TENM4: variants seen among roughly 807,000 people sequenced by gnomAD.
TENM4 encodes the protein teneurin transmembrane protein 4, also known as teneurin-4.
A neutral mutation model predicts 243.3 loss-of-function variants in TENM4; 82 were observed. The ratio of observed to expected loss-of-function variants is 0.34; its 90% CI spans 0.28 to 0.40. The LOEUF (loss-of-function observed/expected upper bound fraction) is 0.40, where lower values mean the gene tolerates loss of function less well. Ranked by LOEUF, TENM4 falls within the 10% of genes least tolerant of loss-of-function variation. TENM4 has a pLI of 1.00. For synonymous variants in TENM4, 1,412 were observed against 1,456.3 expected (o/e 0.97, Z 0.69); for missense variants, 3,138 against 3,673.3 (o/e 0.85, Z 3.77).
intron 10 of TENM4, among the ~76,000 whole-genome samples, chr11:78,862,303 G>A (rs1012237718): frequency 4.0e-5 from 6 of 151,878 alleles, no homozygotes; most frequent in African/African-American, 7.3e-5. Flanking sequence ...GCAATCCTTT[G>A]CACCAATTCT....
At chr11:79,347,738 A>G (rs1857348961) in intron 1 of TENM4, among the ~76,000 whole-genome samples, 1 of 134,770 alleles carries the variant, frequency 7.4e-6, no homozygotes, top group Non-Finnish European at 1.6e-5. Flanking sequence ...TATAAATCAG[A>G]TGTTTAATTA....
chr11:79,179,278 G>T (rs1477818243), intron 3 of TENM4, among the ~76,000 whole-genome samples: 1 of 152,218 alleles, frequency 6.6e-6, no homozygotes, highest in Non-Finnish European at 1.5e-5. Context: ...TAGGTCAGAA[G>T]TCTGCAAACT....
chr11:79,353,756 GA>G (rs10643530), intron 1 of TENM4, among the ~76,000 whole-genome samples: 154 of 142,844 alleles, frequency 1.1e-3, no homozygotes, highest in Admixed American at 1.5e-3. Context: ...GAAAAAGGAG[GA>G]AAAAAAAAAA....
intron 4 of TENM4, among the ~76,000 whole-genome samples, chr11:79,146,986 C>T (rs767659052): frequency 2.0e-5 from 3 of 152,080 alleles, no homozygotes; most frequent in African/African-American, 4.8e-5. Context: ...CAAACACACA[C>T]GTGTGCATGC....
At chr11:78,967,562 C>T (rs1471298849) in intron 6 of TENM4, among the ~76,000 whole-genome samples, 1 of 152,174 alleles carries the variant, frequency 6.6e-6, no homozygotes, top group African/African-American at 2.4e-5. Context: ...TTCTAATTGG[C>T]TCAGCTCGGG....
chr11:79,293,324 T>C (rs1856387979), intron 2 of TENM4, among the ~76,000 whole-genome samples: 1 of 151,846 alleles, frequency 6.6e-6, no homozygotes, highest in African/African-American at 2.4e-5. Flanking sequence ...CTTGGCAACA[T>C]AGTGAAACCC....
At chr11:79,140,193 G>C (rs1394905470) in intron 4 of TENM4, among the ~76,000 whole-genome samples, 1 of 151,990 alleles carries the variant, frequency 6.6e-6, no homozygotes, top group African/African-American at 2.4e-5. Flanking sequence ...TTTAGACCAG[G>C]TTCCCACCTG....
chr11:78,756,777 T>C (rs984282280), intron 19 of TENM4, 28 bp downstream of exon 19: 3 of 1,595,794 alleles, frequency 1.9e-6, no homozygotes, highest in Admixed American at 3.4e-5. Context: ...CAGAGAGCCC[T>C]GGCTGGAGCT....
chr11:79,322,082 C>A (rs1465504666), intron 1 of TENM4, among the ~76,000 whole-genome samples: 1 of 152,210 alleles, frequency 6.6e-6, no homozygotes, highest in Non-Finnish European at 1.5e-5. Flanking sequence ...AACTTCCCTG[C>A]ACCACCTCCT....
At chr11:79,187,819 G>T (rs1342357505) in intron 3 of TENM4, among the ~76,000 whole-genome samples, 1 of 152,196 alleles carries the variant, frequency 6.6e-6, no homozygotes, top group Non-Finnish European at 1.5e-5. Flanking sequence ...TGGGAAGACA[G>T]CCATTTGCAA....
chr11:78,794,098 C>A (rs1453205305), intron 15 of TENM4, among the ~76,000 whole-genome samples: 1 of 152,238 alleles, frequency 6.6e-6, no homozygotes, highest in East Asian at 1.9e-4. Flanking sequence ...ATCTGTCCAT[C>A]CACCCAAATG....
chr11:79,171,544 T>G (rs979721779), intron 3 of TENM4, among the ~76,000 whole-genome samples: 1 of 152,210 alleles, frequency 6.6e-6, no homozygotes, highest in African/African-American at 2.4e-5. Context: ...CCCCATAGAC[T>G]GATTAAATAT....
At chr11:79,292,494 C>T (rs1239803297) in intron 2 of TENM4, among the ~76,000 whole-genome samples, 1 of 152,228 alleles carries the variant, frequency 6.6e-6, no homozygotes, top group Non-Finnish European at 1.5e-5. Flanking sequence ...GTCTTTCATA[C>T]ATAACTACAG....
chr11:79,106,309 T>G (rs1231061920), intron 4 of TENM4, among the ~76,000 whole-genome samples: 1 of 152,202 alleles, frequency 6.6e-6, no homozygotes, highest in East Asian at 1.9e-4. Context: ...GGATCACACC[T>G]TTGCAGAATA....
intron 16 of TENM4, among the ~76,000 whole-genome samples, chr11:78,782,137 A>G (rs957442442): frequency 1.3e-5 from 2 of 152,200 alleles, no homozygotes; most frequent in South Asian, 4.1e-4. Flanking sequence ...TCTGATTATG[A>G]AAAAGAAATC....
At chr11:79,004,471 C>A (rs1037589155) in intron 6 of TENM4, among the ~76,000 whole-genome samples, 2 of 152,064 alleles carry the variant, frequency 1.3e-5, no homozygotes, top group Admixed American at 6.5e-5. Context: ...TTGCACAAAA[C>A]CATACAATTA....
chr11:79,080,836 C>T (rs182548362), intron 4 of TENM4, among the ~76,000 whole-genome samples: 3 of 152,324 alleles, frequency 2.0e-5, no homozygotes, highest in Non-Finnish European at 2.9e-5. Context: ...GGCCTGAAAC[C>T]CAGTTTATTG....
intron 1 of TENM4, among the ~76,000 whole-genome samples, chr11:79,431,199 TA>T (rs1279576041): frequency 3.3e-5 from 5 of 152,254 alleles, no homozygotes; most frequent in African/African-American, 1.2e-4. Context: ...TATCTACTTT[TA>T]AAAATACTTT....
At chr11:78,738,395 G>A (rs879034184) in intron 20 of TENM4, 56 bp downstream of exon 20, 3 of 1,571,576 alleles carry the variant, frequency 1.9e-6, no homozygotes, top group South Asian at 2.4e-5. Flanking sequence ...GCAGCTATAT[G>A]GCAAGACCAC....
Sources: allele counts gnomAD v4.1 joint callset (sites outside exome capture counted in the v4.1 genomes callset), GRCh38; gene constraint gnomAD v4.1.1; transcripts MANE v1.5; gene names NCBI Gene and HGNC (gene_info 2026-07-23, HGNC 2026-07-21).